AGBL4: variants seen among roughly 807,000 people sequenced by gnomAD.
AGBL4 encodes AGBL carboxypeptidase 4.
A neutral mutation model predicts 66.4 loss-of-function variants in AGBL4; 58 were observed. The ratio of observed to expected loss-of-function variants is 0.87; its 90% CI spans 0.71 to 1.09. The LOEUF (loss-of-function observed/expected upper bound fraction) is 1.09, where lower values mean the gene tolerates loss of function less well. AGBL4 is among the 50% of genes least tolerant of loss of function. The probability of loss-of-function intolerance (pLI) is 0.00; values close to 1 mark genes in which losing one functional copy is unlikely to be tolerated. For missense variants in AGBL4, 579 were observed against 631.0 expected, an observed-to-expected ratio of 0.92 and a Z score of 0.88; for synonymous variants, 234 against 222.9, an observed-to-expected ratio of 1.05 and a Z score of -0.44.
intron 4 of AGBL4, among the ~76,000 whole-genome samples, chr1:49,240,307 T>C (rs975681767): frequency 1.8e-4 from 27 of 152,198 alleles, no homozygotes; most frequent in African/African-American, 6.5e-4. Flanking sequence ...GAGAGAGCTG[T>C]CCATATTTAT....
chr1:48,986,960 A>G (rs1410080012), intron 5 of AGBL4, among the ~76,000 whole-genome samples: 11 of 152,080 alleles, frequency 7.2e-5, no homozygotes, highest in Admixed American at 6.6e-4. Context: ...AGCTACAAAA[A>G]TAATGGAAGT....
chr1:49,763,365 C>T (rs746038525), intron 2 of AGBL4, among the ~76,000 whole-genome samples: 5 of 152,162 alleles, frequency 3.3e-5, no homozygotes, highest in Non-Finnish European at 5.9e-5. Context: ...AGGTACTGTG[C>T]CTTTCCATAT....
chr1:49,546,333 T>A (rs1221701490), intron 3 of AGBL4, among the ~76,000 whole-genome samples: 1 of 150,676 alleles, frequency 6.6e-6, no homozygotes, highest in Non-Finnish European at 1.5e-5. Context: ...TCATATATAT[T>A]TACATATGTA....
At chr1:49,873,846 C>T (rs1368602480) in intron 1 of AGBL4, among the ~76,000 whole-genome samples, 2 of 151,926 alleles carry the variant, frequency 1.3e-5, no homozygotes, top group African/African-American at 4.8e-5. Flanking sequence ...AAAAACAAAA[C>T]AAACAAATAC....
intron 5 of AGBL4, among the ~76,000 whole-genome samples, chr1:49,031,035 G>A (rs1664182288): frequency 6.6e-6 from 1 of 151,970 alleles, no homozygotes; most frequent in Non-Finnish European, 1.5e-5. Flanking sequence ...ATAGCATGGT[G>A]ATAATAGTTA....
chr1:48,592,317 G>C (rs1644930399), intron 9 of AGBL4, among the ~76,000 whole-genome samples: 1 of 152,174 alleles, frequency 6.6e-6, no homozygotes, highest in Non-Finnish European at 1.5e-5. Flanking sequence ...CATTTAGAAG[G>C]ATTCTCCCTC....
chr1:49,138,516 C>A (rs1646057290), intron 4 of AGBL4, among the ~76,000 whole-genome samples: 1 of 152,144 alleles, frequency 6.6e-6, no homozygotes, highest in African/African-American at 2.4e-5. Flanking sequence ...CACATGGAGT[C>A]TGGCTTCTTT....
At chr1:49,755,607 C>G (rs11803552) in intron 2 of AGBL4, among the ~76,000 whole-genome samples, 7,191 of 152,176 alleles carry the variant, frequency 0.047, 539 homozygotes, top group African/African-American at 0.16. Flanking sequence ...CACACACACA[C>G]AAAAAATCTC....
At chr1:49,004,526 T>A (rs563759268) in intron 5 of AGBL4, among the ~76,000 whole-genome samples, 1 of 152,274 alleles carries the variant, frequency 6.6e-6, no homozygotes, top group South Asian at 2.1e-4. Flanking sequence ...CTAGGGAACA[T>A]CTCATCTATA....
intron 3 of AGBL4, among the ~76,000 whole-genome samples, chr1:49,541,344 G>C (rs1033470062): frequency 1.3e-5 from 2 of 152,240 alleles, no homozygotes; most frequent in Admixed American, 6.5e-5. Flanking sequence ...GAGAGGCGTG[G>C]GCAGGAACTG....
At chr1:48,698,591 G>A (rs147807034) in intron 6 of AGBL4, among the ~76,000 whole-genome samples, 53 of 152,334 alleles carry the variant, frequency 3.5e-4, no homozygotes, top group Non-Finnish European at 6.6e-4. Flanking sequence ...CAGCAGCCCT[G>A]TGTACTTGTG....
chr1:48,848,153 T>C (rs1186252410), intron 6 of AGBL4, among the ~76,000 whole-genome samples: 3 of 152,240 alleles, frequency 2.0e-5, no homozygotes, highest in Non-Finnish European at 2.9e-5. Flanking sequence ...TATTCTTTCC[T>C]GTTTGGGCTC....
intron 6 of AGBL4, among the ~76,000 whole-genome samples, chr1:48,774,886 C>T (rs146103784): frequency 6.1e-4 from 93 of 152,336 alleles, no homozygotes; most frequent in African/African-American, 2.1e-3. Context: ...AAACTTATCA[C>T]TGACTCTCTT....
chr1:49,125,291 T>A (rs1223023681), intron 4 of AGBL4, among the ~76,000 whole-genome samples: 1 of 152,174 alleles, frequency 6.6e-6, no homozygotes, highest in Non-Finnish European at 1.5e-5. Context: ...TATATATTAC[T>A]TAGTGCTCAT....
At chr1:48,762,330 A>T (rs956470933) in intron 6 of AGBL4, among the ~76,000 whole-genome samples, 1 of 152,242 alleles carries the variant, frequency 6.6e-6, no homozygotes, top group African/African-American at 2.4e-5. Context: ...TTTTCTGCAC[A>T]GATTTCAAAC....
intron 6 of AGBL4, among the ~76,000 whole-genome samples, chr1:48,771,021 A>G (rs749948730): frequency 4.6e-5 from 7 of 152,170 alleles, no homozygotes; most frequent in Admixed American, 6.5e-5. Flanking sequence ...AAAAATCTCT[A>G]TCTCACAAGG....
intron 4 of AGBL4, among the ~76,000 whole-genome samples, chr1:49,143,317 T>A (rs1330290874): frequency 6.6e-6 from 1 of 152,182 alleles, no homozygotes. Flanking sequence ...CATCTCCTCA[T>A]GAATATTTCA....
chr1:49,648,343 A>C (rs1645932675), intron 3 of AGBL4, among the ~76,000 whole-genome samples: 1 of 152,124 alleles, frequency 6.6e-6, no homozygotes, highest in African/African-American at 2.4e-5. Context: ...GGAAAAAAAA[A>C]AACCAAGAAC....
At chr1:49,666,535 C>T (rs889397873) in intron 3 of AGBL4, among the ~76,000 whole-genome samples, 3 of 151,742 alleles carry the variant, frequency 2.0e-5, no homozygotes, top group Admixed American at 6.6e-5. Flanking sequence ...CACTGTACTA[C>T]AACCTGGAAG....
Sources: gnomAD v4.1 joint callset for allele counts (sites outside exome capture counted in the v4.1 genomes callset) on GRCh38, gnomAD v4.1.1 for gene constraint, MANE v1.5 for transcripts, NCBI Gene and HGNC (gene_info 2026-07-23, HGNC 2026-07-21) for gene names.